TOX: variants seen among roughly 807,000 people sequenced by gnomAD.
TOX encodes thymocyte selection-associated high mobility group box protein TOX.
TOX carries 11 observed loss-of-function variants against 53.7 expected under a neutral mutation model. That is an observed-to-expected ratio of 0.20 (90% CI 0.13 to 0.34). The LOEUF (loss-of-function observed/expected upper bound fraction) is 0.34, where lower values mean the gene tolerates loss of function less well. Among genes scored for constraint, TOX ranks in the 10% least tolerant of loss-of-function variants. The pLI, the probability that TOX is intolerant of heterozygous loss-of-function variation, is 1.00. For missense variants in TOX, 570 were observed against 664.6 expected (o/e 0.86, Z 1.56); for synonymous variants, 225 against 245.3 (o/e 0.92, Z 0.77).
intron 1 of TOX, among the ~76,000 whole-genome samples, chr8:59,043,640 G>GA (rs1384789917): frequency 6.6e-6 from 1 of 152,164 alleles, no homozygotes; most frequent in Non-Finnish European, 1.5e-5. Context: ...GTGTTAAAAG[G>GA]AGTATCACTT....
At chr8:59,069,083 G>A (rs1804146524) in intron 1 of TOX, among the ~76,000 whole-genome samples, 1 of 152,218 alleles carries the variant, frequency 6.6e-6, no homozygotes, top group African/African-American at 2.4e-5. Flanking sequence ...AGTTGGGACA[G>A]CAGTGCTGCA....
chr8:59,007,057 T>A (rs1457380943), intron 1 of TOX, among the ~76,000 whole-genome samples: 1 of 152,184 alleles, frequency 6.6e-6, no homozygotes, highest in African/African-American at 2.4e-5. Context: ...CTGCAAAGTT[T>A]AAGAGAAGCT....
At chr8:59,003,051 G>C (rs1813723923) in intron 1 of TOX, among the ~76,000 whole-genome samples, 1 of 152,104 alleles carries the variant, frequency 6.6e-6, no homozygotes, top group Admixed American at 6.6e-5. Flanking sequence ...ATTTCATTTT[G>C]ATAAAACTGA....
chr8:59,115,284 G>C (rs1017171308), intron 1 of TOX, among the ~76,000 whole-genome samples: 5 of 152,096 alleles, frequency 3.3e-5, no homozygotes, highest in African/African-American at 9.7e-5. Flanking sequence ...GGCAGATACT[G>C]AGCAATAACT....
At chr8:59,116,407 T>C (rs1270782713) in intron 1 of TOX, among the ~76,000 whole-genome samples, 1 of 152,276 alleles carries the variant, frequency 6.6e-6, no homozygotes, top group African/African-American at 2.4e-5. Flanking sequence ...TCCAAACTTC[T>C]GTCCTTCTTC....
intron 3 of TOX, among the ~76,000 whole-genome samples, chr8:58,925,554 T>C (rs527741720): frequency 1.3e-5 from 2 of 152,180 alleles, no homozygotes; most frequent in East Asian, 1.9e-4. Flanking sequence ...GAAGAAAGTA[T>C]ACGATAACAA....
chr8:58,840,266 C>T (rs1213616962), intron 4 of TOX, among the ~76,000 whole-genome samples: 1 of 151,964 alleles, frequency 6.6e-6, no homozygotes, highest in African/African-American at 2.4e-5. Flanking sequence ...TCAAAGAACC[C>T]CAGGGGGACA....
Position 58,851,897 on chromosome 8 carries a change from TTC to T in TOX, c.412-94_412-93del. On this transcript the variant is annotated intron_variant, in intron 3 of 8. Transcript: ENST00000361421. This position sits in a 1 kb window ranked among gnomAD's most constrained non-coding sequence, Gnocchi z 4.4. ...TATGTTTTGGGCAAAAAAGTAATAA[TTC>T]TTTAGATTTCCAGATGTTCTGCTGA... 1 of 1,108,232 alleles carries T rather than the reference TTC, an allele frequency of 9.0e-7. No individual in the cohort carries two copies. Among genetic ancestry groups the T allele is most frequent in the Non-Finnish European group, 1.1e-6 (1 of 878,296 alleles). 68.6% of individuals were successfully genotyped at this position (1,108,232 alleles called of 1,614,324 possible).
chr8:58,981,322 AT>A (rs202185813), intron 1 of TOX, among the ~76,000 whole-genome samples: 5,481 of 152,180 alleles, frequency 0.036, 295 homozygotes, highest in African/African-American at 0.12. Flanking sequence ...CTCCAAGAAG[AT>A]GTAGACTAGA....
intron 3 of TOX, among the ~76,000 whole-genome samples, chr8:58,866,392 C>T (rs960678155): frequency 6.6e-6 from 1 of 152,142 alleles, no homozygotes; most frequent in Admixed American, 6.5e-5. Flanking sequence ...GACTGATAAG[C>T]CTCACACATT....
chr8:58,977,770 AAC>A (rs1026707346), intron 1 of TOX, among the ~76,000 whole-genome samples: 16 of 152,334 alleles, frequency 1.1e-4, no homozygotes, highest in African/African-American at 3.6e-4. Context: ...CAGTGGTCAG[AAC>A]ACACACATTT....
At chr8:58,869,044 T>C (rs1295675017) in intron 3 of TOX, among the ~76,000 whole-genome samples, 2 of 151,884 alleles carry the variant, frequency 1.3e-5, no homozygotes, top group African/African-American at 2.4e-5. Flanking sequence ...CTGGCCAACA[T>C]GGTGAAACCC....
At chr8:59,061,826 C>A (rs1263046157) in intron 1 of TOX, among the ~76,000 whole-genome samples, 1 of 152,046 alleles carries the variant, frequency 6.6e-6, no homozygotes, top group Non-Finnish European at 1.5e-5. Flanking sequence ...AATCCACGTG[C>A]GCCCATGCCC....
At chr8:58,978,030 C>T (rs1289063707) in intron 1 of TOX, among the ~76,000 whole-genome samples, 2 of 152,142 alleles carry the variant, frequency 1.3e-5, no homozygotes, top group East Asian at 3.8e-4. Flanking sequence ...GTAAAAAACA[C>T]AACACTTGTG....
intron 3 of TOX, among the ~76,000 whole-genome samples, chr8:58,852,994 G>C (rs1421694940): frequency 6.6e-6 from 1 of 152,076 alleles, no homozygotes; most frequent in Admixed American, 6.6e-5. Flanking sequence ...TTGTTTTTAT[G>C]ATAGTAAAAT....
At chr8:58,950,330 G>T (rs996789207) in intron 2 of TOX, among the ~76,000 whole-genome samples, 2 of 152,120 alleles carry the variant, frequency 1.3e-5, no homozygotes, top group Non-Finnish European at 2.9e-5. Context: ...AACAAATGCT[G>T]GGTGCAAACT....
chr8:59,027,045 C>G (rs1330529472), intron 1 of TOX, among the ~76,000 whole-genome samples: 3 of 152,136 alleles, frequency 2.0e-5, no homozygotes, highest in Non-Finnish European at 4.4e-5. Context: ...GGCTAGTTCC[C>G]TGTTTGCACC....
chr8:59,020,884 A>C (rs1038192154), intron 1 of TOX, among the ~76,000 whole-genome samples: 1 of 152,118 alleles, frequency 6.6e-6, no homozygotes, highest in Non-Finnish European at 1.5e-5. Flanking sequence ...TGTACAAAAG[A>C]AGCTTTTCCT....
chr8:58,938,191 T>C (rs941573593), intron 3 of TOX, among the ~76,000 whole-genome samples: 4 of 152,196 alleles, frequency 2.6e-5, no homozygotes, highest in African/African-American at 4.8e-5. Flanking sequence ...CTTTTGACTC[T>C]ACTTTTATTC....
Sources: allele counts gnomAD v4.1 joint callset (sites outside exome capture counted in the v4.1 genomes callset), GRCh38; gene constraint gnomAD v4.1.1; non-coding constraint Gnocchi (gnomAD v3.1); transcripts MANE v1.5; gene names NCBI Gene and HGNC (gene_info 2026-07-23, HGNC 2026-07-21).